Variants in RPRD1A observed in about 807,000 individuals in gnomAD.
RPRD1A encodes regulation of nuclear pre-mRNA domain containing 1A.
RPRD1A carries 9 observed loss-of-function variants against 37.8 expected under a neutral mutation model. That is an observed-to-expected ratio of 0.24 (90% CI 0.14 to 0.42). The LOEUF (loss-of-function observed/expected upper bound fraction) is 0.42. RPRD1A is among the 10% of genes least tolerant of loss of function. The pLI, the probability that RPRD1A is intolerant of heterozygous loss-of-function variation, is 1.00. For synonymous variants in RPRD1A, 138 were observed against 139.7 expected, an observed-to-expected ratio of 0.99 and a Z score of 0.08; for missense variants, 255 against 371.0, an observed-to-expected ratio of 0.69 and a Z score of 2.57.
At chr18:36,045,496 A>G (rs1912890102) in intron 1 of RPRD1A, among the ~76,000 whole-genome samples, 1 of 152,216 alleles carries the variant, frequency 6.6e-6, no homozygotes, top group Non-Finnish European at 1.5e-5. Flanking sequence ...TTGCATTTTC[A>G]GTAAGTTCTC....
chr18:35,998,199 A>T (rs1293009864), intron 6 of RPRD1A, among the ~76,000 whole-genome samples: 1 of 152,134 alleles, frequency 6.6e-6, no homozygotes, highest in Admixed American at 6.5e-5. Context: ...TTTCTACTAA[A>T]AATACAAAAA....
intron 6 of RPRD1A, chr18:36,025,804 G>A (rs1911327509): frequency 6.3e-6 from 2 of 317,062 alleles, no homozygotes; most frequent in African/African-American, 2.2e-5. Context: ...TAAAATTGAG[G>A]TTTCATCACA....
At chr18:36,009,687 T>C (rs568097309) in intron 6 of RPRD1A, among the ~76,000 whole-genome samples, 5 of 152,224 alleles carry the variant, frequency 3.3e-5, no homozygotes, top group Non-Finnish European at 4.4e-5. Context: ...TTATCAACCA[T>C]TATGAATAGA....
chr18:36,067,459 T>TG lies in RPRD1A; in HGVS notation c.-56_-55insC. ...CGCGGTGGGGCCGAGGGGAGGAGAG[T>TG]TTCGCCGCCCTAGCTGCGGCCTCGC... is the stretch of plus-strand genomic sequence containing the variant. On this transcript the variant is annotated 5_prime_UTR_variant, in exon 1 of 7. Transcript: ENST00000399022. 2 of 1,547,646 alleles carry TG rather than the reference T, an allele frequency of 1.3e-6. No individual in the cohort carries two copies. The highest frequency in any genetic ancestry group is 3.8e-5 in the Admixed American group (2 of 52,570).
intron 6 of RPRD1A, among the ~76,000 whole-genome samples, chr18:36,017,940 G>A (rs959722628): frequency 6.6e-6 from 1 of 152,084 alleles, no homozygotes; most frequent in Non-Finnish European, 1.5e-5. Flanking sequence ...TCTTATTCAC[G>A]TTATTCTCAC....
chr18:36,008,388 G>A (rs1294133641), intron 6 of RPRD1A, among the ~76,000 whole-genome samples: 2 of 151,132 alleles, frequency 1.3e-5, no homozygotes, highest in African/African-American at 4.9e-5. Context: ...GACCAGCCTG[G>A]GCAACACAAC....
chr18:36,020,303 G>T (rs1325763458), intron 6 of RPRD1A, among the ~76,000 whole-genome samples: 1 of 152,146 alleles, frequency 6.6e-6, no homozygotes, highest in African/African-American at 2.4e-5. Flanking sequence ...CTCAGCAAAA[G>T]AGTGTGCGCA....
intron 6 of RPRD1A, among the ~76,000 whole-genome samples, chr18:36,019,064 G>A (rs1910803130): frequency 6.7e-6 from 1 of 149,920 alleles, no homozygotes; most frequent in Admixed American, 6.6e-5. Context: ...TGGTGTCTGA[G>A]TTCAAAATAA....
intron 6 of RPRD1A, chr18:36,026,601 A>T (rs1315759464): frequency 4.4e-6 from 1 of 227,852 alleles, no homozygotes; most frequent in Non-Finnish European, 8.6e-6. Context: ...TTTTCCTATT[A>T]TTTCTGTGAT....
chr18:36,065,499 T>C (rs114569786), intron 1 of RPRD1A, among the ~76,000 whole-genome samples: 3,005 of 152,302 alleles, frequency 0.02, 108 homozygotes, highest in African/African-American at 0.069. Flanking sequence ...TTTCACTATG[T>C]TGCACAGGCA....
intron 2 of RPRD1A, among the ~76,000 whole-genome samples, chr18:36,032,853 T>C (rs1322111164): frequency 2.6e-5 from 4 of 152,024 alleles, no homozygotes; most frequent in Non-Finnish European, 4.4e-5. Flanking sequence ...GAGTCTGAAA[T>C]GTTTGAGACG....
chr18:36,041,855 C>G (rs1912606439), intron 1 of RPRD1A, among the ~76,000 whole-genome samples: 1 of 152,200 alleles, frequency 6.6e-6, no homozygotes, highest in African/African-American at 2.4e-5. Flanking sequence ...TCAGACACAG[C>G]TGGCTGCTTC....
chr18:36,024,450 C>T (rs1414585919), intron 6 of RPRD1A, among the ~76,000 whole-genome samples: 1 of 151,942 alleles, frequency 6.6e-6, no homozygotes, highest in East Asian at 1.9e-4. Context: ...ACCACCACAC[C>T]CGGCCCAACA....
At chr18:36,007,959 C>A (rs749454670) in intron 6 of RPRD1A, among the ~76,000 whole-genome samples, 6 of 151,610 alleles carry the variant, frequency 4.0e-5, no homozygotes, top group South Asian at 4.2e-4. Flanking sequence ...AAAATAAAAA[C>A]TAAATTTGCC....
rs1291506637 is a variant in RPRD1A, at chr18:36,027,174, C to G, written c.613+10G>C. On this transcript the variant is annotated intron_variant, in intron 5 of 6. Transcript: ENST00000399022. Reference sequence around the variant, plus strand: ...CCAAAAAAGTTCTGGATCACATTTTCTTTTCTTACCTGTTATTTTATCTAA... The same window carrying G: ...CCAAAAAAGTTCTGGATCACATTTTGTTTTCTTACCTGTTATTTTATCTAA... 1 of 1,613,552 alleles carries G rather than the reference C, an allele frequency of 6.2e-7. No individual in the cohort carries two copies. The highest frequency in any genetic ancestry group is 8.5e-7 in the Non-Finnish European group (1 of 1,179,678).
chr18:36,012,839 T>C (rs1294759494), intron 6 of RPRD1A, among the ~76,000 whole-genome samples: 1 of 152,258 alleles, frequency 6.6e-6, no homozygotes, highest in African/African-American at 2.4e-5. Context: ...AATTCATTAA[T>C]GTTTATTAGT....
chr18:36,009,821 ATTTAAT>A (rs1172126600), intron 6 of RPRD1A, among the ~76,000 whole-genome samples: 1 of 152,206 alleles, frequency 6.6e-6, no homozygotes, highest in Non-Finnish European at 1.5e-5. Context: ...TTTAATTCTT[ATTTAAT>A]TTTGATTAAG....
At chr18:36,004,763 C>T (rs889112177) in intron 6 of RPRD1A, among the ~76,000 whole-genome samples, 2 of 152,058 alleles carry the variant, frequency 1.3e-5, no homozygotes, top group African/African-American at 2.4e-5. Flanking sequence ...ATTAGCTGGG[C>T]GCGGTGGCAC....
intron 6 of RPRD1A, among the ~76,000 whole-genome samples, chr18:35,997,090 T>C (rs1015440125): frequency 6.6e-6 from 1 of 151,960 alleles, no homozygotes; most frequent in Non-Finnish European, 1.5e-5. Flanking sequence ...AGAATTTTTA[T>C]GATATTAAGC....
Sources: gnomAD v4.1 joint callset for allele counts (sites outside exome capture counted in the v4.1 genomes callset) on GRCh38, gnomAD v4.1.1 for gene constraint, MANE v1.5 for transcripts, NCBI Gene and HGNC (gene_info 2026-07-23, HGNC 2026-07-21) for gene names.